Variants in GALNTL6 observed in about 807,000 individuals in gnomAD.
GALNTL6 encodes polypeptide N-acetylgalactosaminyltransferase like 6.
A neutral mutation model predicts 73.7 loss-of-function variants in GALNTL6; 46 were observed. That is an observed-to-expected ratio of 0.62 (90% CI 0.49 to 0.80). The LOEUF is 0.80. GALNTL6 is among the 30% of genes least tolerant of loss of function. The pLI, the probability that GALNTL6 is intolerant of heterozygous loss-of-function variation, is 0.00. For missense variants in GALNTL6, 604 were observed against 755.0 expected (o/e 0.80, Z 2.34); for synonymous variants, 259 against 263.7 (o/e 0.98, Z 0.17).
intron 5 of GALNTL6, among the ~76,000 whole-genome samples, chr4:172,679,693 A>G (rs758752056): frequency 1.6e-4 from 25 of 152,180 alleles, no homozygotes; most frequent in Non-Finnish European, 3.4e-4. Flanking sequence ...TATTGTGCAT[A>G]GTTCATATAC....
intron 3 of GALNTL6, among the ~76,000 whole-genome samples, chr4:172,245,373 A>G (rs1353602788): frequency 6.6e-6 from 1 of 152,166 alleles, no homozygotes; most frequent in Non-Finnish European, 1.5e-5. Context: ...CTGTTGCCAT[A>G]GACTTGATGG....
chr4:172,919,244 A>C (rs1402746926), intron 8 of GALNTL6, among the ~76,000 whole-genome samples: 1 of 152,242 alleles, frequency 6.6e-6, no homozygotes. Context: ...TGCAAAAGTC[A>C]GGAAAATGGA....
intron 5 of GALNTL6, among the ~76,000 whole-genome samples, chr4:172,764,150 G>C (rs1738269966): frequency 6.6e-6 from 1 of 152,098 alleles, no homozygotes; most frequent in Non-Finnish European, 1.5e-5. Context: ...TAGAGATGGG[G>C]TTTCTCGATG....
intron 2 of GALNTL6, among the ~76,000 whole-genome samples, chr4:172,220,293 A>T (rs1455948174): frequency 6.6e-6 from 1 of 151,798 alleles, no homozygotes; most frequent in East Asian, 1.9e-4. Flanking sequence ...AATATTGGTT[A>T]TATGAATGAG....
At chr4:172,631,031 T>C (rs1046556082) in intron 5 of GALNTL6, among the ~76,000 whole-genome samples, 1 of 151,750 alleles carries the variant, frequency 6.6e-6, no homozygotes, top group Non-Finnish European at 1.5e-5. Context: ...TTGCATAGAG[T>C]CATTATGTAA....
chr4:172,832,024 G>A (rs1742665643), intron 7 of GALNTL6, among the ~76,000 whole-genome samples: 1 of 152,172 alleles, frequency 6.6e-6, no homozygotes, highest in African/African-American at 2.4e-5. Flanking sequence ...TGAACCAAGA[G>A]AAGCCTTGAG....
chr4:171,858,390 T>TGATGGCTAAAAAGTA, intron 2 of GALNTL6, among the ~76,000 whole-genome samples: 1 of 150,338 alleles, frequency 6.7e-6, no homozygotes, highest in African/African-American at 2.5e-5. Flanking sequence ...AGTAAAAATT[T>TGATGGCTAAAAAGTA]CCAGAAATAC....
rs185919419 is a variant in GALNTL6 at position 172,753,646 on chromosome 4, A to G, written c.554-55715A>G. ...AAAAAAATGTGCTGTCACTATATGG[A>G]CTTCCTAAAATCTTTGATAATTATT... On this transcript the variant is annotated intron_variant, in intron 5 of 12. Coordinates refer to ENST00000506823, the MANE Select transcript of GALNTL6 (RefSeq NM_001034845.3). 1.7e-3 allele frequency among the ~76,000 whole-genome samples: 252 copies of G among 152,328 alleles called. 1 individual carries two copies. Among genetic ancestry groups the G allele is most frequent in the South Asian group, 0.013 (61 of 4,826 alleles).
chr4:172,930,989 A>G (rs1748302101), intron 8 of GALNTL6, among the ~76,000 whole-genome samples, 172 bp from the exon 9 acceptor site: 1 of 152,076 alleles, frequency 6.6e-6, no homozygotes, highest in Admixed American at 6.6e-5. Context: ...AACTTTTATG[A>G]ATCTAGGTTT....
chr4:171,993,324 T>A (rs1740393405), intron 2 of GALNTL6, among the ~76,000 whole-genome samples: 1 of 151,554 alleles, frequency 6.6e-6, no homozygotes, highest in Non-Finnish European at 1.5e-5. Flanking sequence ...ATAAGTGATA[T>A]TTTTTCTGTG....
chr4:172,982,661 T>C (rs1228552458), intron 10 of GALNTL6, among the ~76,000 whole-genome samples: 2 of 152,172 alleles, frequency 1.3e-5, no homozygotes, highest in Non-Finnish European at 2.9e-5. Flanking sequence ...GTCTAGCAGG[T>C]TGAATGGCAG....
chr4:172,374,968 C>A (rs187116825), intron 5 of GALNTL6, among the ~76,000 whole-genome samples: 41 of 152,292 alleles, frequency 2.7e-4, no homozygotes, highest in African/African-American at 9.6e-4. Flanking sequence ...GGACATGTAC[C>A]TGGGTTGGGC....
Position 172,656,043 on chromosome 4 carries a change from G to A in GALNTL6, c.554-153318G>A, listed in dbSNP as rs1189601779. The stretch of plus-strand genomic sequence containing the variant: ...ATTAATGCTATTGCATTGTCATTTT[G>A]TTACCTAGCATCAACTGGCTCACTG... On this transcript the variant is annotated intron_variant, in intron 5 of 12. Transcript: ENST00000506823. 2.6e-5 allele frequency among the ~76,000 whole-genome samples: 4 copies of A among 152,178 alleles called. No individual in the cohort carries two copies. The East Asian group carries it at 5.8e-4, about 22-fold the overall frequency.
intron 3 of GALNTL6, among the ~76,000 whole-genome samples, chr4:172,283,672 A>G (rs1296765806): frequency 6.6e-6 from 1 of 152,144 alleles, no homozygotes; most frequent in African/African-American, 2.4e-5. Flanking sequence ...TAATGCTAAT[A>G]ATAATTAATA....
intron 4 of GALNTL6, 33 bp downstream of exon 4, chr4:172,311,785 T>G (rs181699236): frequency 7.0e-7 from 1 of 1,428,060 alleles, no homozygotes. Context: ...TCAGGGTGGG[T>G]TTTTTTGGTT....
intron 7 of GALNTL6, among the ~76,000 whole-genome samples, chr4:172,836,897 G>A (rs1025259942): frequency 6.6e-6 from 1 of 152,102 alleles, no homozygotes; most frequent in Non-Finnish European, 1.5e-5. Context: ...ACACACCTCA[G>A]CCAAGTGCTT....
At chr4:172,366,987 A>C (rs1419294513) in intron 5 of GALNTL6, among the ~76,000 whole-genome samples, 1 of 152,258 alleles carries the variant, frequency 6.6e-6, no homozygotes, top group East Asian at 1.9e-4. Flanking sequence ...AATTAGAATT[A>C]GCTTCTGAGA....
chr4:171,977,761 T>C (rs905155496), intron 2 of GALNTL6, among the ~76,000 whole-genome samples: 5 of 152,336 alleles, frequency 3.3e-5, no homozygotes, highest in East Asian at 1.9e-4. Context: ...TATTGTTATA[T>C]TCTCTGATAT....
chr4:171,882,477 T>C (rs1173195283), intron 2 of GALNTL6, among the ~76,000 whole-genome samples: 3 of 152,156 alleles, frequency 2.0e-5, no homozygotes, highest in African/African-American at 7.2e-5. Context: ...AGTCTGCAAG[T>C]TGAGGAGCAA....
Sources: gnomAD v4.1 joint callset for allele counts (sites outside exome capture counted in the v4.1 genomes callset) on GRCh38, gnomAD v4.1.1 for gene constraint, MANE v1.5 for transcripts, NCBI Gene and HGNC (gene_info 2026-07-23, HGNC 2026-07-21) for gene names.